The following KCTD17 variants were observed in gnomAD, a reference collection of about 807,000 sequenced individuals.
KCTD17 encodes BTB/POZ domain-containing protein KCTD17.
A neutral mutation model predicts 41.5 loss-of-function variants in KCTD17; 20 were observed. The ratio of observed to expected loss-of-function variants is 0.48; its 90% CI spans 0.34 to 0.70. The LOEUF is 0.70. KCTD17 is among the 30% of genes least tolerant of loss of function. KCTD17 has a pLI of 0.01. For synonymous variants in KCTD17, 156 were observed against 173.8 expected, an observed-to-expected ratio of 0.90 and a Z score of 0.80; for missense variants, 317 against 427.2, an observed-to-expected ratio of 0.74 and a Z score of 2.27.
At position 37,062,791 on chromosome 22, in the gene KCTD17, ATG is replaced by A; in HGVS notation, c.*202_*203del. Reference sequence around the variant, plus strand: ...GGGCAGAGTGGACTGCTCATGGCAGATGTGTGGCAATGTCTGGCTGTGTCTCT... The same window carrying A: ...GGGCAGAGTGGACTGCTCATGGCAGATGTGGCAATGTCTGGCTGTGTCTCT... On this transcript the variant is annotated 3_prime_UTR_variant, in exon 9 of 9. Transcript: ENST00000403888. The A allele has an allele frequency of 8.3e-7, 1 of 1,198,900 alleles. No homozygotes were observed. Among genetic ancestry groups the A allele is most frequent in the Non-Finnish European group, 1.1e-6 (1 of 891,250 alleles). The allele number at this position is 1,198,900 out of a possible 1,614,324, so 74.3% of individuals were successfully genotyped here.
At position 37,053,602 on chromosome 22, in the gene KCTD17, C is replaced by G. The variant is rs1374587023; in HGVS notation, c.298+394C>G. On this transcript the variant is annotated intron_variant, in intron 2 of 8. Coordinates refer to ENST00000403888, the MANE Select transcript of KCTD17 (RefSeq NM_001282684.2). The surrounding 1 kb of genome is among the most constrained non-coding windows in gnomAD (Gnocchi z 4.1). ...GACAGGCATGGGGAGAGCTCTGTCT[C>G]TCTTTCTCTGGCTGATCCAGTATCT... is the stretch of plus-strand genomic sequence containing the variant. Among the ~76,000 whole-genome samples the G allele has an allele frequency of 2.0e-5, 3 of 152,202 alleles. No individual in the cohort carries two copies. Among genetic ancestry groups the G allele is most frequent in the African/African-American group, 7.2e-5 (3 of 41,442 alleles).
At chr22:37,057,355 G>T in intron 3 of KCTD17, 43 bp from the exon 4 acceptor site, 1 of 1,525,088 alleles carries the variant, frequency 6.6e-7, no homozygotes, top group Non-Finnish European at 9.1e-7. Flanking sequence ...TGGGGTGCCT[G>T]GTGCTCCCAC....
Position 37,061,269 on chromosome 22 carries a change from C to T in KCTD17, c.784+94C>T. Reference sequence around the variant, plus strand: ...TGCCCCTGTCCGGGTTTTCTCTCTGCCTGCTCACGCCTCCATCCCGGGTCT... The same window carrying T: ...TGCCCCTGTCCGGGTTTTCTCTCTGTCTGCTCACGCCTCCATCCCGGGTCT... On this transcript the variant is annotated intron_variant, in intron 7 of 8. Coordinates refer to ENST00000403888, the MANE Select transcript of KCTD17 (RefSeq NM_001282684.2). This position sits in a 1 kb window ranked among gnomAD's most constrained non-coding sequence, Gnocchi z 6.6. 2 of 1,539,218 alleles carry T rather than the reference C, an allele frequency of 1.3e-6. No homozygotes were observed. The highest frequency in any genetic ancestry group is 1.7e-6 in the Non-Finnish European group (2 of 1,145,252).
intron 1 of KCTD17, 191 bp downstream of exon 1, chr22:37,052,140 CG>C (rs1357247716): frequency 1.2e-6 from 1 of 809,402 alleles, no homozygotes; most frequent in African/African-American, 1.8e-5. Flanking sequence ...TACCCATTGC[CG>C]TGGCAACGGG....
At chr22:37,062,458 A>AC in intron 8 of KCTD17, 67 bp from the exon 9 acceptor site, 1 of 1,214,196 alleles carries the variant, frequency 8.2e-7, no homozygotes, top group East Asian at 4.2e-5. Flanking sequence ...GCCCTGCATC[A>AC]CCCCCTCCTT....
intron 4 of KCTD17, among the ~76,000 whole-genome samples, chr22:37,058,110 G>A (rs1270810107): frequency 6.6e-6 from 1 of 152,236 alleles, no homozygotes; most frequent in Middle Eastern, 3.2e-3. Context: ...CCACCTTTCA[G>A]GTTTCCAGAG....
At chr22:37,060,661 G>A (rs534591158) in intron 5 of KCTD17, among the ~76,000 whole-genome samples, 162 bp from the exon 6 acceptor site, 1 of 152,284 alleles carries the variant, frequency 6.6e-6, no homozygotes, top group African/African-American at 2.4e-5. Flanking sequence ...CTGCCCAGGG[G>A]ACCGGAGAAG....
chr22:37,060,506 C>T (rs1047335887), intron 5 of KCTD17, among the ~76,000 whole-genome samples: 1 of 152,188 alleles, frequency 6.6e-6, no homozygotes, highest in Non-Finnish European at 1.5e-5. Flanking sequence ...CCCAGGCACC[C>T]CTCAGGGATA....
intron 8 of KCTD17, chr22:37,062,288 A>G (rs1925882970): frequency 1.0e-6 from 1 of 983,988 alleles, no homozygotes; most frequent in Admixed American, 6.2e-5. Flanking sequence ...GGGCTCCTGG[A>G]TGGGTTAGTT....
Position 37,062,795 on chromosome 22 carries a change from G to C in KCTD17, c.*201G>C, listed in dbSNP as rs1721239598. 1.7e-6 allele frequency: 2 copies of C among 1,205,852 alleles called. No homozygotes were observed. The highest frequency in any genetic ancestry group is 2.2e-6 in the Non-Finnish European group (2 of 896,028). The allele number at this position is 1,205,852 out of a possible 1,614,324, so 74.7% of individuals were successfully genotyped here. A position where few individuals can be genotyped will look rare whatever the true frequency, so the allele number is the denominator to read the frequency against. ...AGAGTGGACTGCTCATGGCAGATGT[G>C]TGGCAATGTCTGGCTGTGTCTCTCC... On this transcript the variant is annotated 3_prime_UTR_variant, in exon 9 of 9. Transcript: ENST00000403888.
Position 37,053,613 on chromosome 22 carries a change from G to A in KCTD17, c.298+405G>A, listed in dbSNP as rs1568980549. On this transcript the variant is annotated intron_variant, in intron 2 of 8. Coordinates refer to ENST00000403888, the MANE Select transcript of KCTD17 (RefSeq NM_001282684.2). This position sits in a 1 kb window ranked among gnomAD's most constrained non-coding sequence, Gnocchi z 4.1. ...GGAGAGCTCTGTCTCTCTTTCTCTG[G>A]CTGATCCAGTATCTCAAATTCTGCC... is the stretch of plus-strand genomic sequence containing the variant. Among the ~76,000 whole-genome samples the A allele has an allele frequency of 6.6e-6, 1 of 152,204 alleles. No homozygotes were observed. The highest frequency in any genetic ancestry group is 2.1e-4 in the South Asian group (1 of 4,828).
At position 37,053,207 on chromosome 22, in the gene KCTD17, G is replaced by A. The variant is rs759464013; in HGVS notation, c.297G>A (p.Glu99=). ...TGCTGGACAAGGACATGGCTGAGGA[G>A]GGTGAGTTGGTCCAGGGGGCTGGCC... ...KLVLDKDMAE[E]GVLEEAEFYN... Residue 99 remains glutamate (E), a splice_region_variant and synonymous_variant, in exon 2 of 9, where the codon GAG becomes GAA. Coordinates refer to ENST00000403888, the MANE Select transcript of KCTD17 (RefSeq NM_001282684.2). The surrounding 1 kb of genome is among the most constrained non-coding windows in gnomAD (Gnocchi z 4.1). 1 of 1,596,452 alleles carries A rather than the reference G, an allele frequency of 6.3e-7. No homozygotes were observed. Among genetic ancestry groups the A allele is most frequent in the South Asian group, 1.1e-5 (1 of 87,634 alleles).
chr22:37,062,174 C>T (rs1250696708), intron 8 of KCTD17: 2 of 985,246 alleles, frequency 2.0e-6, no homozygotes, highest in East Asian at 1.1e-4. Flanking sequence ...CCTGGGGCAT[C>T]AGTGCCTCTC....
chr22:37,060,945 T>G (rs1434347103), intron 6 of KCTD17, 23 bp downstream of exon 6: 1 of 1,536,838 alleles, frequency 6.5e-7, no homozygotes, highest in South Asian at 1.2e-5. Context: ...CCCAGGAGGA[T>G]GATTGCTAAG....
rs1461571385 is a variant in KCTD17, at chr22:37,053,614, C to T, written c.298+406C>T. Among the ~76,000 whole-genome samples, 1 of 152,194 alleles carries T rather than the reference C, an allele frequency of 6.6e-6. No homozygotes were observed. The highest frequency in any genetic ancestry group is 2.4e-5 in the African/African-American group (1 of 41,444). ...GAGAGCTCTGTCTCTCTTTCTCTGG[C>T]TGATCCAGTATCTCAAATTCTGCCT... On this transcript the variant is annotated intron_variant, in intron 2 of 8. Transcript: ENST00000403888. The surrounding 1 kb of genome is among the most constrained non-coding windows in gnomAD (Gnocchi z 4.1).
intron 4 of KCTD17, 85 bp from the exon 5 acceptor site, chr22:37,059,228 G>T: frequency 1.3e-6 from 2 of 1,579,254 alleles, no homozygotes; most frequent in South Asian, 2.2e-5. Flanking sequence ...CTGGTATCTT[G>T]ATTTGAGTGC....
chr22:37,061,777 A>G lies in KCTD17; in HGVS notation c.875+148A>G. On this transcript the variant is annotated intron_variant, in intron 8 of 8. Transcript: ENST00000403888. The surrounding 1 kb of genome is among the most constrained non-coding windows in gnomAD (Gnocchi z 6.6). The stretch of plus-strand genomic sequence containing the variant: ...TTGGCCTTGGGGGTGAGGCTCTGAG[A>G]GGAGAAGAAAGTTAGGGAGTGGGAA... 1.4e-6 allele frequency: 2 copies of G among 1,432,158 alleles called. No homozygotes were observed. The highest frequency in any genetic ancestry group is 1.8e-6 in the Non-Finnish European group (2 of 1,089,190). The allele number at this position is 1,432,158 out of a possible 1,614,324, so 88.7% of individuals were successfully genotyped here.
Position 37,061,233 on chromosome 22 carries a change from T to C in KCTD17, c.784+58T>C. ...TCCTGGATCTCATCTGCACCCTGCCTCTTCCCTCTCTGCCCCTGTCCGGGT... is the reference window on the plus strand; with the variant it reads ...TCCTGGATCTCATCTGCACCCTGCCCCTTCCCTCTCTGCCCCTGTCCGGGT... On this transcript the variant is annotated intron_variant, in intron 7 of 8. Transcript: ENST00000403888. The surrounding 1 kb of genome is among the most constrained non-coding windows in gnomAD (Gnocchi z 6.6). 6.5e-7 allele frequency: 1 copy of C among 1,548,064 alleles called. No homozygotes were observed. Among genetic ancestry groups the C allele is most frequent in the Admixed American group, 2.0e-5 (1 of 50,988 alleles).
chr22:37,051,770 G>A lies in KCTD17; in HGVS notation c.10G>A (p.Glu4Lys). The A allele has an allele frequency of 8.1e-7, 1 of 1,238,138 alleles. No homozygotes were observed. 76.7% of individuals were successfully genotyped at this position (1,238,138 alleles called of 1,614,324 possible). ...GACGCCGCGGCCGGCGATGAGGATGGAGGCCGGGGAGGCAGCGCCGCCGGC... is the reference window on the plus strand; with the variant it reads ...GACGCCGCGGCCGGCGATGAGGATGAAGGCCGGGGAGGCAGCGCCGCCGGC... MRM[E>K]AGEAAPPAGA... The change falls in exon 1 of 9, where the codon GAG becomes AAG. Residue 4 changes from glutamate (E) to lysine (K), a missense_variant. Coordinates refer to ENST00000403888, the MANE Select transcript of KCTD17 (RefSeq NM_001282684.2).
Sources: allele counts gnomAD v4.1 joint callset (sites outside exome capture counted in the v4.1 genomes callset), GRCh38; gene constraint gnomAD v4.1.1; non-coding constraint Gnocchi (gnomAD v3.1); transcripts MANE v1.5; gene names NCBI Gene and HGNC (gene_info 2026-07-23, HGNC 2026-07-21).